Variants in SH2D4B observed in about 807,000 individuals in gnomAD.
The protein encoded by SH2D4B is SH2 domain-containing protein 4B.
In SH2D4B, 45 loss-of-function variants were observed where a neutral mutation model predicts 61.5. That is an observed-to-expected ratio of 0.73 (90% CI 0.58 to 0.94). The LOEUF (loss-of-function observed/expected upper bound fraction) is 0.94. SH2D4B is among the 40% of genes least tolerant of loss of function. The pLI is 0.00. For missense variants in SH2D4B, 572 were observed against 574.2 expected, an observed-to-expected ratio of 1.00 and a Z score of 0.04; for synonymous variants, 224 against 220.4, an observed-to-expected ratio of 1.02 and a Z score of -0.14.
chr10:80,613,399 T>C (rs909644691), intron 6 of SH2D4B, among the ~76,000 whole-genome samples: 1 of 152,264 alleles, frequency 6.6e-6, no homozygotes, highest in Non-Finnish European at 1.5e-5. Context: ...AGAACCCATT[T>C]CTCTTCCTGA....
chr10:80,571,962 C>T (rs1294230664), intron 3 of SH2D4B, among the ~76,000 whole-genome samples: 7 of 151,812 alleles, frequency 4.6e-5, no homozygotes, highest in African/African-American at 1.5e-4. Flanking sequence ...TTAGTAGAGA[C>T]GGGGTTTCAC....
rs748450302 is a variant in SH2D4B at position 80,644,106 on chromosome 10, A to G, written c.*21A>G. On this transcript the variant is annotated 3_prime_UTR_variant, in exon 8 of 8. Coordinates refer to ENST00000646907, the MANE Select transcript of SH2D4B (RefSeq NM_001388272.1). ...AATAATTTTTTTCCTTATCAATTGG[A>G]TTCATTTTGGTATCCTGTTTTTGAA... 2 of 1,597,836 alleles carry G rather than the reference A, an allele frequency of 1.3e-6. No homozygotes were observed. The highest frequency in any genetic ancestry group is 2.7e-5 in the African/African-American group (2 of 74,488).
intron 1 of SH2D4B, among the ~76,000 whole-genome samples, chr10:80,564,228 C>T (rs887984912): frequency 3.9e-5 from 6 of 152,264 alleles, no homozygotes; most frequent in African/African-American, 1.2e-4. Context: ...TTCCCTTTCC[C>T]AAAGTTATAA....
intron 4 of SH2D4B, among the ~76,000 whole-genome samples, chr10:80,594,866 C>G (rs867489755): frequency 1.3e-4 from 20 of 152,012 alleles, no homozygotes; most frequent in African/African-American, 4.6e-4. Flanking sequence ...GGTGCCAGTC[C>G]TAAAACACCC....
chr10:80,633,752 A>G (rs770435408), intron 6 of SH2D4B, among the ~76,000 whole-genome samples: 9 of 152,190 alleles, frequency 5.9e-5, no homozygotes, highest in Non-Finnish European at 1.0e-4. Context: ...CTATGCCCCT[A>G]TTAAGAAACT....
intron 3 of SH2D4B, among the ~76,000 whole-genome samples, chr10:80,587,154 T>TTTTTTTTG (rs1842267340): frequency 1.0e-5 from 1 of 99,440 alleles, no homozygotes; most frequent in Non-Finnish European, 1.9e-5. Flanking sequence ...TTGTTTTGTT[T>TTTTTTTTG]TTTTTTTTTT....
rs1333606162 is a variant in SH2D4B at position 80,609,406 on chromosome 10, C to T, written c.861-18C>T. On this transcript the variant is annotated intron_variant, in intron 5 of 7. Coordinates refer to ENST00000646907, the MANE Select transcript of SH2D4B (RefSeq NM_001388272.1). ...CCCTCCCTGACTCTTCTGCCCTCCC[C>T]ACTTTCTTTCTCTTCAGCAGGACCT... 6.2e-7 allele frequency: 1 copy of T among 1,610,972 alleles called. No individual in the cohort carries two copies. Among genetic ancestry groups the T allele is most frequent in the African/African-American group, 1.3e-5 (1 of 74,958 alleles).
At position 80,548,033 on chromosome 10, in the gene SH2D4B, G is replaced by C. The variant is rs985729695; in HGVS notation, c.184+9518G>C. On this transcript the variant is annotated intron_variant, in intron 1 of 7. Transcript: ENST00000646907. ...GATGTCCTATCACCTGTCACCTGTA[G>C]GTAGGTACCCCTTGAAGCTCTGGTA... 2.0e-5 allele frequency among the ~76,000 whole-genome samples: 3 copies of C among 152,274 alleles called. No homozygotes were observed. In the East Asian group the frequency reaches 5.8e-4, roughly 29 times the overall value.
At chr10:80,636,912 A>G (rs1279620007) in intron 7 of SH2D4B, among the ~76,000 whole-genome samples, 1 of 152,156 alleles carries the variant, frequency 6.6e-6, no homozygotes, top group East Asian at 1.9e-4. Context: ...TAGGGTTTTT[A>G]TGGTTTTAGG....
intron 6 of SH2D4B, among the ~76,000 whole-genome samples, chr10:80,612,182 CT>C (rs796771295): frequency 0.078 from 4,894 of 62,938 alleles, 245 homozygotes; most frequent in African/African-American, 0.28. Context: ...CCCACTCCTG[CT>C]TTTTTTTTTT....
intron 1 of SH2D4B, among the ~76,000 whole-genome samples, chr10:80,556,346 A>T (rs1453114056): frequency 1.3e-5 from 2 of 152,220 alleles, no homozygotes; most frequent in Non-Finnish European, 2.9e-5. Flanking sequence ...AAATCTTCAA[A>T]CAGTACCTTT....
intron 6 of SH2D4B, among the ~76,000 whole-genome samples, chr10:80,621,923 A>C (rs1233231136): frequency 1.3e-5 from 2 of 151,978 alleles, no homozygotes; most frequent in African/African-American, 4.8e-5. Flanking sequence ...GGGTTTCACC[A>C]TGTTGCTCAG....
chr10:80,608,899 C>T (rs553843806), intron 5 of SH2D4B, among the ~76,000 whole-genome samples: 2 of 152,272 alleles, frequency 1.3e-5, no homozygotes, highest in East Asian at 3.9e-4. Context: ...GTGGCACAGG[C>T]AGGCGTCCCC....
At chr10:80,597,698 A>G (rs1479646033) in intron 4 of SH2D4B, among the ~76,000 whole-genome samples, 1 of 152,052 alleles carries the variant, frequency 6.6e-6, no homozygotes, top group Non-Finnish European at 1.5e-5. Context: ...AATAAAATAA[A>G]ATACACGGGG....
At chr10:80,600,065 T>C (rs1842433584) in intron 4 of SH2D4B, among the ~76,000 whole-genome samples, 2 of 152,204 alleles carry the variant, frequency 1.3e-5, no homozygotes, top group Non-Finnish European at 2.9e-5. Flanking sequence ...GCCAGGGCTT[T>C]CCAAGCCCGC....
intron 3 of SH2D4B, among the ~76,000 whole-genome samples, chr10:80,579,631 C>T (rs900432600): frequency 6.6e-6 from 1 of 152,106 alleles, no homozygotes; most frequent in African/African-American, 2.4e-5. Context: ...TCTTAACGAA[C>T]AGACATGGTT....
chr10:80,599,711 C>T (rs957291947), intron 4 of SH2D4B, among the ~76,000 whole-genome samples: 1 of 152,086 alleles, frequency 6.6e-6, no homozygotes, highest in Non-Finnish European at 1.5e-5. Flanking sequence ...TCCCTTGGCC[C>T]AAGTTTAGCT....
Position 80,644,418 on chromosome 10 carries a change from C to T in SH2D4B, c.*333C>T, listed in dbSNP as rs1175808572. ...TAATAATCCAAAATAATTCCAGTGC[C>T]GAACCCTGAATTTAACATATGGTAG... On this transcript the variant is annotated 3_prime_UTR_variant, in exon 8 of 8. Coordinates refer to ENST00000646907, the MANE Select transcript of SH2D4B (RefSeq NM_001388272.1). The T allele has an allele frequency of 1.4e-5, 3 of 208,894 alleles. No individual in the cohort carries two copies. Among genetic ancestry groups the T allele is most frequent in the East Asian group, 1.1e-4 (1 of 9,482 alleles). 12.9% of individuals were successfully genotyped at this position (208,894 alleles called of 1,614,324 possible).
chr10:80,587,000 C>T (rs1212628944), intron 3 of SH2D4B, among the ~76,000 whole-genome samples: 6 of 152,046 alleles, frequency 3.9e-5, no homozygotes, highest in Non-Finnish European at 5.9e-5. Context: ...GAAGAAACTC[C>T]GAACACATCC....
Sources: gnomAD v4.1 joint callset for allele counts (sites outside exome capture counted in the v4.1 genomes callset) on GRCh38, gnomAD v4.1.1 for gene constraint, MANE v1.5 for transcripts, NCBI Gene and HGNC (gene_info 2026-07-23, HGNC 2026-07-21) for gene names.